The following RGSL1 variants were observed in gnomAD, a reference collection of about 807,000 sequenced individuals.
RGSL1 encodes the protein regulator of G protein signaling protein-like.
In RGSL1, 97 loss-of-function variants were observed where a neutral mutation model predicts 124.7. That is an observed-to-expected ratio of 0.78 (90% CI 0.66 to 0.92). The LOEUF is 0.92. RGSL1 is among the 40% of genes least tolerant of loss of function. The pLI, the probability that RGSL1 is intolerant of heterozygous loss-of-function variation, is 0.00. For synonymous variants in RGSL1, 424 were observed against 438.1 expected (o/e 0.97, Z 0.40); for missense variants, 1,233 against 1,288.4 (o/e 0.96, Z 0.66).
chr1:182,493,907 C>T (rs996616528), intron 9 of RGSL1, among the ~76,000 whole-genome samples: 4 of 152,162 alleles, frequency 2.6e-5, no homozygotes, highest in African/African-American at 9.7e-5. Flanking sequence ...GGAGTAGCTC[C>T]TCCAGGAATC....
At chr1:182,488,725 CAAAAAAAAAAAA>C (rs561296385) in intron 7 of RGSL1, 1,327 of 104,914 alleles carry the variant, frequency 0.013, 45 homozygotes, top group African/African-American at 0.071. Context: ...GACTCCGTCT[CAAAAAAAAAAAA>C]AAAAAAAAAA....
At chr1:182,555,826 A>C (rs2102343258) in intron 20 of RGSL1, 198 bp from the exon 21 acceptor site, 1 of 596,420 alleles carries the variant, frequency 1.7e-6, no homozygotes, top group Non-Finnish European at 3.0e-6. Context: ...CTGGAAAAGC[A>C]ATGCATGGCT....
intron 2 of RGSL1, among the ~76,000 whole-genome samples, chr1:182,457,802 G>C (rs1373585151): frequency 6.6e-6 from 1 of 152,190 alleles, no homozygotes; most frequent in African/African-American, 2.4e-5. Flanking sequence ...GACAAAAGGG[G>C]ATGGTATCCT....
chr1:182,557,495 T>C (rs186763228), intron 21 of RGSL1, among the ~76,000 whole-genome samples: 38 of 152,258 alleles, frequency 2.5e-4, no homozygotes, highest in African/African-American at 8.7e-4. Context: ...TCTAGCAAAA[T>C]ACTAACTCGT....
intron 4 of RGSL1, among the ~76,000 whole-genome samples, chr1:182,461,200 T>A (rs183391410): frequency 6.6e-6 from 1 of 151,838 alleles, no homozygotes; most frequent in East Asian, 1.9e-4. Flanking sequence ...ACTGCATATA[T>A]GGAGAAAATT....
chr1:182,556,571 G>A (rs971574760), intron 21 of RGSL1, among the ~76,000 whole-genome samples: 1 of 152,122 alleles, frequency 6.6e-6, no homozygotes, highest in Non-Finnish European at 1.5e-5. Flanking sequence ...CACAGAGAAG[G>A]TAAGTGACTC....
At position 182,458,398 on chromosome 1, in the gene RGSL1, G is replaced by A. The variant is rs922859287; in HGVS notation, c.171+5G>A. 6.5e-7 allele frequency: 1 copy of A among 1,549,334 alleles called. No homozygotes were observed. The highest frequency in any genetic ancestry group is 1.4e-5 in the African/African-American group (1 of 72,984). On this transcript the variant is annotated splice_donor_5th_base_variant and intron_variant, in intron 3 of 21. Transcript: ENST00000294854. ...CCAGAAATACCTTGTAACTTGGTGA[G>A]TAAAATTCTTCAGAGGTAGAGAGTT...
At chr1:182,489,246 A>T in intron 8 of RGSL1, 44 bp downstream of exon 8, 1 of 1,416,232 alleles carries the variant, frequency 7.1e-7, no homozygotes, top group Non-Finnish European at 9.7e-7. Context: ...ACATATGGGC[A>T]ACTGGAAAAT....
intron 9 of RGSL1, among the ~76,000 whole-genome samples, chr1:182,521,755 AG>A (rs1219224207): frequency 1.3e-5 from 2 of 152,220 alleles, no homozygotes; most frequent in African/African-American, 4.8e-5. Flanking sequence ...AATCTCTCTG[AG>A]GAAGGTGGGC....
rs1036849733 is a variant in RGSL1 at position 182,488,871 on chromosome 1, C to T, written c.1495-109C>T. The T allele has an allele frequency of 1.8e-5, 15 of 823,166 alleles. 1 individual carries two copies. The Admixed American group carries it at 3.2e-4, about 18-fold the overall frequency. The allele number at this position is 823,166 out of a possible 1,614,324, so 51.0% of individuals were successfully genotyped here. The stretch of plus-strand genomic sequence containing the variant: ...GTTCTTAACAACTGAAAACAACCTG[C>T]ATAAGACCATGTAACAGGGAGGCAT... On this transcript the variant is annotated intron_variant, in intron 7 of 21. Transcript: ENST00000294854.
chr1:182,516,755 C>G (rs1208436487), intron 9 of RGSL1, among the ~76,000 whole-genome samples: 2 of 152,126 alleles, frequency 1.3e-5, no homozygotes, highest in Non-Finnish European at 2.9e-5. Flanking sequence ...CTCCACCCCT[C>G]CCACAGTTTG....
chr1:182,457,920 A>G (rs1312546937), intron 2 of RGSL1, among the ~76,000 whole-genome samples: 2 of 152,226 alleles, frequency 1.3e-5, no homozygotes, highest in Non-Finnish European at 2.9e-5. Context: ...AGGTAAACCC[A>G]AAGCTATTTT....
At chr1:182,510,730 T>C (rs1440199350) in intron 9 of RGSL1, among the ~76,000 whole-genome samples, 1 of 148,578 alleles carries the variant, frequency 6.7e-6, no homozygotes, top group Non-Finnish European at 1.5e-5. Context: ...TTGTATGTTT[T>C]CTTTTGAGAA....
At chr1:182,492,338 T>C (rs1037736315) in intron 8 of RGSL1, among the ~76,000 whole-genome samples, 9 of 152,178 alleles carry the variant, frequency 5.9e-5, no homozygotes, top group African/African-American at 2.2e-4. Context: ...ACACATACAT[T>C]TGCTACTCAA....
intron 14 of RGSL1, among the ~76,000 whole-genome samples, chr1:182,535,781 T>A (rs148759250): frequency 1.4e-3 from 208 of 152,290 alleles, no homozygotes; most frequent in Non-Finnish European, 2.3e-3. Flanking sequence ...TTAAATTACT[T>A]TTTAGAATCA....
chr1:182,517,951 A>G, intron 9 of RGSL1, among the ~76,000 whole-genome samples: 1 of 152,100 alleles, frequency 6.6e-6, no homozygotes, highest in East Asian at 1.9e-4. Context: ...GGGTCTACGT[A>G]TGTGTCTTTG....
In RGSL1 at chr1:182,473,653, TGGCTCTGTTCA is replaced by T; in HGVS notation, c.543_553del (p.Ala182ThrfsTer77). ...GAGATCCTGAGCCACATGCAGAAAG[TGGCTCTGTTCA>T]AACTCCAGAGCTATTGGCTTCCCAA... On this transcript the variant is annotated frameshift_variant, in exon 6 of 22. Transcript: ENST00000294854. LOFTEE classifies it high-confidence loss of function. The T allele has an allele frequency of 6.4e-7, 1 of 1,551,740 alleles. No homozygotes were observed. Among genetic ancestry groups the T allele is most frequent in the South Asian group, 1.2e-5 (1 of 84,056 alleles).
In RGSL1 at chr1:182,503,974, CTT is replaced by C. The variant is rs71124902; in HGVS notation, c.1825+10868_1825+10869del. On this transcript the variant is annotated intron_variant, in intron 9 of 21. Transcript: ENST00000294854. ...TTTTATTTGGTCCCTTTTGTAATTT[CTT>C]TTTTTTTTTTTTTTTTTTTTTTGAG... is the stretch of plus-strand genomic sequence containing the variant. Among the ~76,000 whole-genome samples, 352 of 118,228 alleles carry C rather than the reference CTT, an allele frequency of 3.0e-3. 63 individuals are homozygous for C. Among genetic ancestry groups the C allele is most frequent in the East Asian group, 7.4e-3 (29 of 3,920 alleles). 77.6% of individuals were successfully genotyped at this position (118,228 alleles called of 152,430 possible).
At chr1:182,497,874 T>C (rs1451838255) in intron 9 of RGSL1, among the ~76,000 whole-genome samples, 1 of 152,136 alleles carries the variant, frequency 6.6e-6, no homozygotes, top group Admixed American at 6.5e-5. Flanking sequence ...TTTGCTTTGT[T>C]CCATTACTGA....
Sources: gnomAD v4.1 joint callset for allele counts (sites outside exome capture counted in the v4.1 genomes callset) on GRCh38, gnomAD v4.1.1 for gene constraint, MANE v1.5 for transcripts, NCBI Gene and HGNC (gene_info 2026-07-23, HGNC 2026-07-21) for gene names.